Variants in MYO15A observed in about 807,000 individuals in gnomAD.
The protein encoded by MYO15A is myosin XVA.
In MYO15A, 308 loss-of-function variants were observed where a neutral mutation model predicts 394.6. The observed-to-expected ratio is 0.78, with a 90% CI of 0.71 to 0.86. The LOEUF (loss-of-function observed/expected upper bound fraction) is 0.86, where lower values mean the gene tolerates loss of function less well. MYO15A is among the 40% of genes least tolerant of loss of function. MYO15A has a pLI of 0.00. For synonymous variants in MYO15A, 1,957 were observed against 2,003.8 expected (o/e 0.98, Z 0.62); for missense variants, 4,606 against 4,799.1 (o/e 0.96, Z 1.19).
chr17:18,141,663 C>T lies in MYO15A; in HGVS notation c.5542C>T (p.Leu1848=), dbSNP rs754670731. ...FQGFIDRYCC[L]VALKHDLPAN... ...TGGGCCCCCTACCAGGTACTGCTGTCTAGTGGCCCTCAAGCATGACCTGCC... is the reference window on the plus strand; with the variant it reads ...TGGGCCCCCTACCAGGTACTGCTGTTTAGTGGCCCTCAAGCATGACCTGCC... The change falls in exon 23 of 66, where the codon CTA becomes TTA. Residue 1848 remains leucine (L), a synonymous_variant. Coordinates refer to ENST00000647165, the MANE Select transcript of MYO15A (RefSeq NM_016239.4). 6.2e-7 allele frequency: 1 copy of T among 1,614,014 alleles called. No individual in the cohort carries two copies. Among genetic ancestry groups the T allele is most frequent in the African/African-American group, 1.3e-5 (1 of 75,044 alleles).
In MYO15A at chr17:18,119,908, G is replaced by T. The variant is rs772705127; in HGVS notation, c.1108G>T (p.Asp370Tyr). 7 of 1,613,350 alleles carry T rather than the reference G, an allele frequency of 4.3e-6. No individual in the cohort carries two copies. The South Asian group carries it at 6.6e-5, about 15-fold the overall frequency. Residue 370 changes from aspartate to tyrosine, a missense_variant, in exon 2 of 66, where the codon GAT (aspartate) becomes TAT (tyrosine). Asp to Tyr is a radical substitution (Grantham distance 160). Around this residue, in one of 2 missense-constraint regions of MYO15A, gnomAD observed 1,830 missense variants for 1,689.7 expected, o/e 1.08. Transcript: ENST00000647165. ...CACTCCCTACGATGTACCCTACTTT[G>T]ATCCCTACGGAGTCCACTACACCGT... The part of the protein sequence containing the change: ...YHTPYDVPYF[D>Y]PYGVHYTVPY...
rs1391008622 is a variant in MYO15A, at chr17:18,179,119, C to T, written c.*249C>T. The T allele has an allele frequency of 5.2e-6, 3 of 580,014 alleles. No homozygotes were observed. Among genetic ancestry groups the T allele is most frequent in the South Asian group, 2.0e-5 (1 of 51,162 alleles). 35.9% of individuals were successfully genotyped at this position (580,014 alleles called of 1,614,324 possible). A position where few individuals can be genotyped will look rare whatever the true frequency, so the allele number is the denominator to read the frequency against. ...ACTTTCAAAAGTCTGGCCCACTGTG[C>T]AGTGGAGCAGAAGGCAGGACCATGA... On this transcript the variant is annotated 3_prime_UTR_variant, in exon 66 of 66. Coordinates refer to ENST00000647165, the MANE Select transcript of MYO15A (RefSeq NM_016239.4).
Position 18,149,244 on chromosome 17 carries a change from G to A in MYO15A, c.6985G>A (p.Glu2329Lys). ...VVFGNSWDSD[E>K]DMSTRPQPQE... ...GTTTGGGAACAGCTGGGACTCGGATGAGGACATGTCCACTAGACCCCAGCC... is the reference window on the plus strand; with the variant it reads ...GTTTGGGAACAGCTGGGACTCGGATAAGGACATGTCCACTAGACCCCAGCC... The change falls in exon 34 of 66, where the codon GAG (glutamate) becomes AAG (lysine). Residue 2329 changes from glutamate to lysine, a missense_variant. Around this residue, in one of 2 missense-constraint regions of MYO15A, gnomAD observed 2,776 missense variants for 3,109.3 expected, o/e 0.89. Coordinates refer to ENST00000647165, the MANE Select transcript of MYO15A (RefSeq NM_016239.4). 1 of 1,614,074 alleles carries A rather than the reference G, an allele frequency of 6.2e-7. No homozygotes were observed. The highest frequency in any genetic ancestry group is 8.5e-7 in the Non-Finnish European group (1 of 1,179,994).
chr17:18,131,639 CG>C (rs1457069352), intron 10 of MYO15A, 108 bp downstream of exon 10: 2 of 1,291,794 alleles, frequency 1.5e-6, no homozygotes, highest in African/African-American at 2.9e-5. Flanking sequence ...AATTAATGAA[CG>C]AATACATGCG....
Position 18,164,861 on chromosome 17 carries a change from C to T in MYO15A, c.9787+1023C>T, listed in dbSNP as rs1161453026. 5 of 97,802 alleles carry T rather than the reference C, an allele frequency of 5.1e-5. 1 individual carries two copies. The highest frequency in any genetic ancestry group is 9.9e-5 in the Admixed American group (1 of 10,064). The allele number at this position is 97,802 out of a possible 1,614,324, so 6.1% of individuals were successfully genotyped here. ...AAAAAAAAAAAAAAAAAAAAAAAGC[C>T]AGGTGTGGTGGCTTGCACCTTTAAT... is the stretch of plus-strand genomic sequence containing the variant. On this transcript the variant is annotated intron_variant, in intron 60 of 65. Transcript: ENST00000647165.
rs961450047 is a variant in MYO15A at position 18,119,171 on chromosome 17, C to G, written c.371C>G (p.Ala124Gly). The change falls in exon 2 of 66, where the codon GCC becomes GGC. Residue 124 changes from alanine (A) to glycine (G), a missense_variant. Coordinates refer to ENST00000647165, the MANE Select transcript of MYO15A (RefSeq NM_016239.4). Reference protein sequence around the residue: ...RRGYGRLRPRARSLSKASTAI... With the variant: ...RRGYGRLRPRGRSLSKASTAI... ...GGCTACGGCCGCCTGCGGCCGCGCGCCCGGTCACTCAGCAAAGCGTCCACG... is the reference window on the plus strand; with the variant it reads ...GGCTACGGCCGCCTGCGGCCGCGCGGCCGGTCACTCAGCAAAGCGTCCACG... The G allele has an allele frequency of 4.3e-6, 7 of 1,612,218 alleles. No homozygotes were observed. Among genetic ancestry groups the G allele is most frequent in the Non-Finnish European group, 5.9e-6 (7 of 1,179,832 alleles).
intron 51 of MYO15A, 185 bp from the exon 52 acceptor site, chr17:18,158,338 A>C (rs2046718840): frequency 1.6e-6 from 1 of 615,132 alleles, no homozygotes; most frequent in Non-Finnish European, 2.9e-6. Flanking sequence ...TTAGCACAGC[A>C]AGTAAAAGGC....
rs2046807625 is a variant in MYO15A, at chr17:18,163,673, T to C, written c.9691-69T>C. 7 of 1,433,570 alleles carry C rather than the reference T, an allele frequency of 4.9e-6. No homozygotes were observed. The South Asian group carries it at 8.4e-5, about 17-fold the overall frequency. 88.8% of individuals were successfully genotyped at this position (1,433,570 alleles called of 1,614,324 possible). On this transcript the variant is annotated intron_variant, in intron 59 of 65. Transcript: ENST00000647165. ...ACTCCACACATGGCCTCTGGGGGCC[T>C]GAGTGGGGCCAGAAGGACAGAGGTC...
At chr17:18,144,652 A>G (rs2046444956) in intron 29 of MYO15A, 60 bp downstream of exon 29, 2 of 1,541,068 alleles carry the variant, frequency 1.3e-6, no homozygotes, top group Non-Finnish European at 1.8e-6. Flanking sequence ...AAACTGGGCC[A>G]TGAGGCTCCC....
In MYO15A at chr17:18,155,303, C is replaced by A; in HGVS notation, c.8341-11C>A. The stretch of plus-strand genomic sequence containing the variant: ...AAGAGGATCCTCACACGCCCTTCAT[C>A]TCTGCCCCAGGGCAGCGTGGGCACT... On this transcript the variant is annotated splice_polypyrimidine_tract_variant and intron_variant, in intron 46 of 65. Coordinates refer to ENST00000647165, the MANE Select transcript of MYO15A (RefSeq NM_016239.4). 6.2e-7 allele frequency: 1 copy of A among 1,613,850 alleles called. No individual in the cohort carries two copies. Among genetic ancestry groups the A allele is most frequent in the Non-Finnish European group, 8.5e-7 (1 of 1,180,008 alleles).
chr17:18,158,052 T>C lies in MYO15A; in HGVS notation c.8967+152T>C, dbSNP rs374364872. 5 of 1,102,200 alleles carry C rather than the reference T, an allele frequency of 4.5e-6. No individual in the cohort carries two copies. In the East Asian group the frequency reaches 1.1e-4, roughly 23 times the overall value. The allele number at this position is 1,102,200 out of a possible 1,614,324, so 68.3% of individuals were successfully genotyped here. On this transcript the variant is annotated intron_variant, in intron 51 of 65. Transcript: ENST00000647165. ...TGGACTAGTGTGAGGGTGAACCAGG[T>C]AGAGTGAGCCGCAGGTGAGACCCGG... is the stretch of plus-strand genomic sequence containing the variant.
intron 44 of MYO15A, 82 bp from the exon 45 acceptor site, chr17:18,154,598 G>A (rs775971382): frequency 7.7e-6 from 11 of 1,434,428 alleles, no homozygotes; most frequent in Non-Finnish European, 1.1e-5. Flanking sequence ...CTCCCACATT[G>A]CCACTCACCC....
chr17:18,128,490 C>T (rs1446012795), intron 7 of MYO15A, among the ~76,000 whole-genome samples: 1 of 152,186 alleles, frequency 6.6e-6, no homozygotes, highest in African/African-American at 2.4e-5. Flanking sequence ...TCCAGCCTGG[C>T]CTGGCCCCCT....
intron 1 of MYO15A, among the ~76,000 whole-genome samples, chr17:18,114,845 C>T (rs1365037400): frequency 2.0e-5 from 3 of 152,148 alleles, no homozygotes; most frequent in Admixed American, 6.5e-5. Flanking sequence ...AGCACTGCAG[C>T]CCTGCGGCTC....
intron 28 of MYO15A, 96 bp downstream of exon 28, chr17:18,144,096 C>T (rs2046434391): frequency 1.2e-5 from 19 of 1,568,408 alleles, no homozygotes; most frequent in Non-Finnish European, 1.5e-5. Flanking sequence ...CCTGGCTGTG[C>T]CCTGTGGTGT....
intron 50 of MYO15A, 65 bp from the exon 51 acceptor site, chr17:18,157,657 A>G: frequency 6.3e-7 from 1 of 1,596,676 alleles, no homozygotes; most frequent in Admixed American, 1.7e-5. Context: ...AAATCTCCCT[A>G]AAGGACCCCC....
In MYO15A at chr17:18,166,478, T is replaced by C. The variant is rs1329887749; in HGVS notation, c.9905T>C (p.Leu3302Pro). 6.2e-7 allele frequency: 1 copy of C among 1,613,992 alleles called. No homozygotes were observed. The highest frequency in any genetic ancestry group is 1.1e-5 in the South Asian group (1 of 91,082). ...WFRRVLWDQP[L>P]KFENELYVTM... Reference sequence around the variant, plus strand: ...CGGCGTGTGCTCTGGGATCAGCCACTCAAGTTCGAGAATGAGCTATATGTG... The same window carrying C: ...CGGCGTGTGCTCTGGGATCAGCCACCCAAGTTCGAGAATGAGCTATATGTG... The change falls in exon 61 of 66, where the codon CTC becomes CCC. Residue 3302 changes from leucine to proline, a missense_variant. Coordinates refer to ENST00000647165, the MANE Select transcript of MYO15A (RefSeq NM_016239.4).
At position 18,178,592 on chromosome 17, in the gene MYO15A, T is replaced by C. The variant is rs1014495681; in HGVS notation, c.10492-177T>C. ...ACCCCTTGCAGCCCACACCCCACCA[T>C]TCGGCCTTCCAGCTCTTCATGCTCC... On this transcript the variant is annotated intron_variant, in intron 65 of 65. Coordinates refer to ENST00000647165, the MANE Select transcript of MYO15A (RefSeq NM_016239.4). The C allele has an allele frequency of 3.5e-5, 25 of 706,418 alleles. No individual in the cohort carries two copies. The Admixed American group carries it at 3.8e-4, about 11-fold the overall frequency. 43.8% of individuals were successfully genotyped at this position (706,418 alleles called of 1,614,324 possible). A position where few individuals can be genotyped will look rare whatever the true frequency, so the allele number is the denominator to read the frequency against.
chr17:18,139,904 T>C (rs1385840444), intron 19 of MYO15A, among the ~76,000 whole-genome samples: 2 of 152,228 alleles, frequency 1.3e-5, no homozygotes, highest in Admixed American at 1.3e-4. Context: ...GCTGTGGCCT[T>C]GCCCTGTACT....
Sources: allele counts gnomAD v4.1 joint callset (sites outside exome capture counted in the v4.1 genomes callset), GRCh38; gene constraint gnomAD v4.1.1; regional missense constraint gnomAD v4.1.1; transcripts MANE v1.5; gene names NCBI Gene and HGNC (gene_info 2026-07-23, HGNC 2026-07-21).